The following PLET1 variants were observed in gnomAD, a reference collection of about 807,000 sequenced individuals.
PLET1 encodes placenta expressed transcript 1, also known as placenta-expressed transcript 1 protein.
Under a neutral mutation model 18.5 loss-of-function variants are expected in PLET1, and 20 were observed. The observed-to-expected ratio is 1.08, with a 90% CI of 0.76 to 1.57. The LOEUF (loss-of-function observed/expected upper bound fraction) is 1.57. PLET1 is among the 40% of genes most tolerant of loss of function. PLET1 has a pLI of 0.00. For synonymous variants in PLET1, 93 were observed against 93.8 expected, an observed-to-expected ratio of 0.99 and a Z score of 0.05; for missense variants, 256 against 246.4, an observed-to-expected ratio of 1.04 and a Z score of -0.26.
intron 1 of PLET1, among the ~76,000 whole-genome samples, chr11:112,259,890 T>C (rs1329321304): frequency 1.3e-5 from 2 of 152,060 alleles, no homozygotes; most frequent in Middle Eastern, 3.4e-3. Context: ...TACAAAAAAT[T>C]AGCCAGGCGT....
chr11:112,252,143 G>T (rs560620618), intron 3 of PLET1, among the ~76,000 whole-genome samples: 1 of 152,288 alleles, frequency 6.6e-6, no homozygotes, highest in African/African-American at 2.4e-5. Flanking sequence ...CAGAAATCTT[G>T]GGGGAGGGCT....
Position 112,260,652 on chromosome 11 carries a change from G to T in PLET1, c.-63C>A. The stretch of plus-strand genomic sequence containing the variant: ...GGGTGAAACTGACAACTCACCTCTT[G>T]TTTATATGCCAGGGCTTCTGGGTGA... On this transcript the variant is annotated 5_prime_UTR_variant, in exon 1 of 4. Transcript: ENST00000338832. 7.2e-7 allele frequency: 1 copy of T among 1,398,206 alleles called. No homozygotes were observed. Among genetic ancestry groups the T allele is most frequent in the Non-Finnish European group, 9.7e-7 (1 of 1,025,848 alleles). The allele number at this position is 1,398,206 out of a possible 1,614,324, so 86.6% of individuals were successfully genotyped here. A position where few individuals can be genotyped will look rare whatever the true frequency, so the allele number is the denominator to read the frequency against.
chr11:112,255,744 A>C (rs189084220), intron 1 of PLET1, among the ~76,000 whole-genome samples, 155 bp from the exon 2 acceptor site: 6 of 152,348 alleles, frequency 3.9e-5, no homozygotes, highest in Admixed American at 3.3e-4. Flanking sequence ...AAAGAAGTTG[A>C]AAGTCTGGAA....
At position 112,260,021 on chromosome 11, in the gene PLET1, A is replaced by C. The variant is rs932825694; in HGVS notation, c.184+385T>G. ...CCATTACACTCCAGCCTGGGTGACAAAGTGAGACTCTGTCTCCAGAAAAAC... is the reference window on the plus strand; with the variant it reads ...CCATTACACTCCAGCCTGGGTGACACAGTGAGACTCTGTCTCCAGAAAAAC... On this transcript the variant is annotated intron_variant, in intron 1 of 3. Coordinates refer to ENST00000338832, the MANE Select transcript of PLET1 (RefSeq NM_001145024.1). Among the ~76,000 whole-genome samples the C allele has an allele frequency of 7.9e-5, 12 of 152,142 alleles. No homozygotes were observed. In the South Asian group the frequency reaches 2.5e-3, roughly 31 times the overall value.
At chr11:112,252,238 C>T (rs964231215) in intron 3 of PLET1, 110 bp downstream of exon 3, 12 of 928,714 alleles carry the variant, frequency 1.3e-5, no homozygotes, top group Middle Eastern at 2.1e-4. Flanking sequence ...TGATAGATAG[C>T]TGAGTGATGC....
intron 3 of PLET1, among the ~76,000 whole-genome samples, chr11:112,252,051 G>C (rs1860162438): frequency 6.6e-6 from 1 of 152,162 alleles, no homozygotes; most frequent in Non-Finnish European, 1.5e-5. Flanking sequence ...GTGTCTATGT[G>C]GTATTGAACA....
At chr11:112,254,614 GGT>G (rs1255200151) in intron 2 of PLET1, among the ~76,000 whole-genome samples, 7 of 122,162 alleles carry the variant, frequency 5.7e-5, no homozygotes, top group South Asian at 3.2e-4. Flanking sequence ...ATGTGTGTAT[GGT>G]GTGTGTGGTA....
intron 2 of PLET1, among the ~76,000 whole-genome samples, chr11:112,255,155 T>C (rs1286603497): frequency 6.8e-6 from 1 of 147,408 alleles, no homozygotes. Flanking sequence ...GTGTGTGGTG[T>C]GTATGTGGTG....
intron 1 of PLET1, among the ~76,000 whole-genome samples, chr11:112,259,270 C>T (rs1160888489): frequency 6.6e-6 from 1 of 152,198 alleles, no homozygotes; most frequent in African/African-American, 2.4e-5. Context: ...TGGTTCATAT[C>T]TTACCTTCAC....
Position 112,252,350 on chromosome 11 carries a change from T to C in PLET1, c.446A>G (p.Lys149Arg). 1 of 1,550,862 alleles carries C rather than the reference T, an allele frequency of 6.4e-7. No homozygotes were observed. The change falls in exon 3 of 4, where the codon AAA becomes AGA. Residue 149 changes from lysine to arginine, a missense_variant and splice_region_variant. By Grantham distance (26) the Lys-to-Arg change is conservative (BLOSUM62 2). Transcript: ENST00000338832. ...AAATGGGCTGCAAAGGAACTCACGT[T>C]TTTCTCTTAGCTTCAGAGTAGAAAG... ...PILSTLKLRE[K>R]LSTLALAAKI...
intron 1 of PLET1, among the ~76,000 whole-genome samples, chr11:112,256,780 T>G (rs935975128): frequency 2.6e-5 from 4 of 152,240 alleles, no homozygotes; most frequent in Non-Finnish European, 4.4e-5. Context: ...AGTGAGCACC[T>G]GACATCTGTT....
At chr11:112,255,667 A>G in intron 1 of PLET1, 78 bp from the exon 2 acceptor site, 1 of 1,256,724 alleles carries the variant, frequency 8.0e-7, no homozygotes, top group South Asian at 1.3e-5. Flanking sequence ...CAGTGAAATC[A>G]AAACAAAGCG....
intron 3 of PLET1, among the ~76,000 whole-genome samples, chr11:112,251,440 C>T (rs902768019): frequency 1.3e-5 from 2 of 152,042 alleles, no homozygotes; most frequent in East Asian, 3.9e-4. Context: ...AAAAATTAGC[C>T]AGGCATGGTG....
rs747044398 is a variant in PLET1 at position 112,260,427 on chromosome 11, C to T, written c.163G>A (p.Glu55Lys). 7.1e-6 allele frequency: 11 copies of T among 1,551,490 alleles called. No individual in the cohort carries two copies. The highest frequency in any genetic ancestry group is 2.4e-5 in the South Asian group (2 of 84,040). Residue 55 changes from glutamate to lysine, a missense_variant, in exon 1 of 4, where the codon GAA becomes AAA. Physicochemically the swap from Glu to Lys is moderately conservative, Grantham distance 56 (BLOSUM62 1). Transcript: ENST00000338832. ...TCACCAGAATAGACTGCATTGCTTT[C>T]GTAGATATGTGAACTGGCCTTGATG... is the stretch of plus-strand genomic sequence containing the variant. ...LDIKASSHIY[E>K]SNAVYSVFVP... is the part of the protein sequence containing the mutation.
chr11:112,254,804 ATG>A (rs1860201074), intron 2 of PLET1, among the ~76,000 whole-genome samples: 1 of 57,866 alleles, frequency 1.7e-5, no homozygotes, highest in Middle Eastern at 0.019. Context: ...TGTGTGGTGC[ATG>A]TGTGGTGTGT....
intron 1 of PLET1, among the ~76,000 whole-genome samples, chr11:112,259,318 A>G (rs1035239817): frequency 6.6e-6 from 1 of 152,226 alleles, no homozygotes; most frequent in Non-Finnish European, 1.5e-5. Context: ...AGAGTCACTT[A>G]GCATCTCTGT....
Sources: gnomAD v4.1 joint callset for allele counts (sites outside exome capture counted in the v4.1 genomes callset) on GRCh38, gnomAD v4.1.1 for gene constraint, MANE v1.5 for transcripts, NCBI Gene and HGNC (gene_info 2026-07-23, HGNC 2026-07-21) for gene names.